Variants in CDYL observed in about 807,000 individuals in gnomAD.
The protein encoded by CDYL is chromodomain Y-like protein.
Under a neutral mutation model 47.3 loss-of-function variants are expected in CDYL, and 8 were observed. That is an observed-to-expected ratio of 0.17 (90% CI 0.10 to 0.31). CDYL has a LOEUF of 0.31. CDYL is among the 10% of genes least tolerant of loss of function. CDYL has a pLI of 1.00. For synonymous variants in CDYL, 266 were observed against 265.0 expected (o/e 1.00, Z -0.04); for missense variants, 471 against 701.4 (o/e 0.67, Z 3.71).
At chr6:4,748,487 G>A (rs1308004880) in intron 3 of CDYL, among the ~76,000 whole-genome samples, 1 of 152,068 alleles carries the variant, frequency 6.6e-6, no homozygotes, top group East Asian at 1.9e-4. Context: ...GAAACTGATA[G>A]CAAGACTTGG....
chr6:4,854,977 T>G (rs1760963142), intron 1 of CDYL, among the ~76,000 whole-genome samples: 1 of 152,206 alleles, frequency 6.6e-6, no homozygotes, highest in Non-Finnish European at 1.5e-5. Context: ...CGGTTATAAT[T>G]ATGAAATATA....
chr6:4,887,882 C>CTT (rs879895642), intron 1 of CDYL, among the ~76,000 whole-genome samples: 2 of 126,838 alleles, frequency 1.6e-5, no homozygotes, highest in African/African-American at 5.7e-5. Context: ...TTACTGACTT[C>CTT]TTTTTTTTTT....
intron 2 of CDYL, among the ~76,000 whole-genome samples, chr6:4,716,753 C>T (rs1487547715): frequency 1.3e-5 from 2 of 152,150 alleles, no homozygotes; most frequent in Middle Eastern, 3.4e-3. Flanking sequence ...TCTGTTCATT[C>T]TTTCATTTAT....
At chr6:4,760,797 G>T (rs1758163267) in intron 3 of CDYL, among the ~76,000 whole-genome samples, 1 of 151,224 alleles carries the variant, frequency 6.6e-6, no homozygotes, top group Non-Finnish European at 1.5e-5. Flanking sequence ...TCAAAGATAA[G>T]AGTAACTGCC....
At chr6:4,782,073 G>A (rs1253982973) in intron 1 of CDYL, among the ~76,000 whole-genome samples, 1 of 150,858 alleles carries the variant, frequency 6.6e-6, no homozygotes, top group Non-Finnish European at 1.5e-5. Flanking sequence ...GGTGGGGGTG[G>A]GTTGGGGATC....
intron 1 of CDYL, among the ~76,000 whole-genome samples, chr6:4,886,735 C>A (rs141893846): frequency 5.6e-4 from 85 of 152,074 alleles, no homozygotes; most frequent in African/African-American, 1.9e-3. Context: ...CACTTTTTTT[C>A]TTTCGTTGCC....
At chr6:4,825,461 G>A (rs547344157) in intron 1 of CDYL, among the ~76,000 whole-genome samples, 1 of 152,274 alleles carries the variant, frequency 6.6e-6, no homozygotes, top group South Asian at 2.1e-4. Context: ...TCACAATTGA[G>A]TGTATTAGCT....
intron 2 of CDYL, among the ~76,000 whole-genome samples, chr6:4,927,098 A>G (rs961103822): frequency 4.6e-5 from 7 of 152,336 alleles, no homozygotes; most frequent in African/African-American, 1.4e-4. Flanking sequence ...CCTTACTACT[A>G]GGCATGAAGT....
At chr6:4,901,333 C>G (rs959444921) in intron 2 of CDYL, among the ~76,000 whole-genome samples, 5 of 152,150 alleles carry the variant, frequency 3.3e-5, no homozygotes, top group African/African-American at 4.8e-5. Context: ...TCCTCCTTGT[C>G]TCCTCTATTC....
chr6:4,778,209 G>C (rs1026766666), intron 1 of CDYL, among the ~76,000 whole-genome samples: 1 of 152,144 alleles, frequency 6.6e-6, no homozygotes, highest in Non-Finnish European at 1.5e-5. Context: ...CATAGCATGA[G>C]GGTATGGGGG....
intron 2 of CDYL, among the ~76,000 whole-genome samples, chr6:4,729,055 C>T (rs557678544): frequency 5.3e-5 from 8 of 152,258 alleles, no homozygotes; most frequent in Non-Finnish European, 8.8e-5. Context: ...CAACTTAACC[C>T]TTATTTAATG....
intron 3 of CDYL, among the ~76,000 whole-genome samples, chr6:4,746,604 G>A (rs966347187): frequency 1.3e-5 from 2 of 152,136 alleles, no homozygotes; most frequent in African/African-American, 4.8e-5. Context: ...GCGGGGTCAG[G>A]CCCAATGTCC....
At chr6:4,811,283 C>T (rs1165478310) in intron 1 of CDYL, among the ~76,000 whole-genome samples, 2 of 152,158 alleles carry the variant, frequency 1.3e-5, no homozygotes. Flanking sequence ...ATAGAACTAG[C>T]AGTTGTTTAT....
intron 2 of CDYL, among the ~76,000 whole-genome samples, chr6:4,729,997 G>C (rs1280853192): frequency 6.6e-6 from 1 of 152,072 alleles, no homozygotes; most frequent in Non-Finnish European, 1.5e-5. Flanking sequence ...GAAAGGATCA[G>C]ACAATTTTCT....
At chr6:4,940,101 A>T (rs1758320478) in intron 4 of CDYL, among the ~76,000 whole-genome samples, 1 of 152,202 alleles carries the variant, frequency 6.6e-6, no homozygotes, top group South Asian at 2.1e-4. Flanking sequence ...GCCAGGTTTA[A>T]GTGGAGATCT....
intron 1 of CDYL, among the ~76,000 whole-genome samples, chr6:4,862,219 C>G (rs1761189762): frequency 6.6e-6 from 1 of 152,194 alleles, no homozygotes; most frequent in Admixed American, 6.5e-5. Context: ...CCCCTGATCC[C>G]CTGGCATAGT....
intron 1 of CDYL, among the ~76,000 whole-genome samples, chr6:4,801,092 T>C (rs1426521806): frequency 1.3e-5 from 2 of 152,242 alleles, no homozygotes; most frequent in Non-Finnish European, 2.9e-5. Context: ...CTTTATGTTC[T>C]TCAGATTATT....
chr6:4,823,643 G>A (rs141947540), intron 1 of CDYL, among the ~76,000 whole-genome samples: 173 of 150,444 alleles, frequency 1.1e-3, no homozygotes, highest in African/African-American at 4.0e-3. Flanking sequence ...ACCATTTTAA[G>A]TATACAATTC....
chr6:4,776,745 CCGACCCTG>C lies in CDYL; in HGVS notation c.-37_-30del. 1 of 1,256,516 alleles carries C rather than the reference CCGACCCTG, an allele frequency of 8.0e-7. No individual in the cohort carries two copies. Among genetic ancestry groups the C allele is most frequent in the Non-Finnish European group, 1.0e-6 (1 of 971,352 alleles). 77.8% of individuals were successfully genotyped at this position (1,256,516 alleles called of 1,614,324 possible). A position where few individuals can be genotyped will look rare whatever the true frequency, so the allele number is the denominator to read the frequency against. On this transcript the variant is annotated 5_prime_UTR_variant, in exon 1 of 7. Coordinates refer to ENST00000397588, the MANE Select transcript of CDYL (RefSeq NM_004824.4). Reference sequence around the variant, plus strand: ...CGGCCGCCCGGCGCCGGCGCCCGCCCCGACCCTGCCCCTCCCGCCCGCAACTCCGCCGC... The same window carrying C: ...CGGCCGCCCGGCGCCGGCGCCCGCCCCCCCTCCCGCCCGCAACTCCGCCGC...
Sources: allele counts gnomAD v4.1 joint callset (sites outside exome capture counted in the v4.1 genomes callset), GRCh38; gene constraint gnomAD v4.1.1; transcripts MANE v1.5; gene names NCBI Gene and HGNC (gene_info 2026-07-23, HGNC 2026-07-21).